RIMKLA: variants seen among roughly 807,000 people sequenced by gnomAD.
The protein encoded by RIMKLA is ribosomal modification protein rimK like family member A.
A neutral mutation model predicts 32.7 loss-of-function variants in RIMKLA; 14 were observed. The observed-to-expected ratio is 0.43, with a 90% CI of 0.28 to 0.67. The LOEUF is 0.67. Ranked by LOEUF, RIMKLA falls within the 30% of genes least tolerant of loss-of-function variation. RIMKLA has a pLI of 0.18. For missense variants in RIMKLA, 410 were observed against 519.0 expected, an observed-to-expected ratio of 0.79 and a Z score of 2.04; for synonymous variants, 176 against 204.1, an observed-to-expected ratio of 0.86 and a Z score of 1.18.
chr1:42,409,201 C>CAAAAAAAAAAAAAAAAAAAAA (rs59543497), intron 3 of RIMKLA, among the ~76,000 whole-genome samples: 1 of 64,496 alleles, frequency 1.6e-5, no homozygotes, highest in Non-Finnish European at 2.6e-5. Context: ...GACTCTGTCT[C>CAAAAAAAAAAAAAAAAAAAAA]AAAAAAAAAA....
At chr1:42,387,598 C>T (rs1389363195) in intron 1 of RIMKLA, among the ~76,000 whole-genome samples, 1 of 152,178 alleles carries the variant, frequency 6.6e-6, no homozygotes, top group Non-Finnish European at 1.5e-5. Context: ...TGAATGCCCA[C>T]TCTGTGCCAG....
intron 4 of RIMKLA, among the ~76,000 whole-genome samples, chr1:42,411,170 T>A (rs941955694): frequency 2.0e-5 from 3 of 150,602 alleles, no homozygotes; most frequent in South Asian, 2.1e-4. Flanking sequence ...TCTCTACAAA[T>A]TTTTTTTTTA....
chr1:42,412,020 T>G (rs1643203062), intron 4 of RIMKLA, among the ~76,000 whole-genome samples: 1 of 152,202 alleles, frequency 6.6e-6, no homozygotes, highest in African/African-American at 2.4e-5. Context: ...GTGTGTGTGT[T>G]ATCATTTTGA....
intron 1 of RIMKLA, among the ~76,000 whole-genome samples, chr1:42,389,886 T>C (rs538438675): frequency 1.9e-4 from 29 of 152,198 alleles, no homozygotes; most frequent in Admixed American, 5.2e-4. Context: ...CGTGTAGCAT[T>C]AGCAACCCCA....
At chr1:42,388,950 A>G (rs1050060283) in intron 1 of RIMKLA, among the ~76,000 whole-genome samples, 2 of 152,214 alleles carry the variant, frequency 1.3e-5, no homozygotes, top group Admixed American at 1.3e-4. Context: ...GGTTATTGCT[A>G]CAATTCAGGT....
intron 4 of RIMKLA, among the ~76,000 whole-genome samples, chr1:42,411,921 C>T (rs142497535): frequency 0.01 from 1,566 of 152,250 alleles, 10 homozygotes; most frequent in Non-Finnish European, 0.016. Context: ...CTGCCCGCCT[C>T]GGCCTCCCAA....
At chr1:42,383,239 A>T (rs760175931) in intron 1 of RIMKLA, among the ~76,000 whole-genome samples, 41 of 152,128 alleles carry the variant, frequency 2.7e-4, no homozygotes, top group Admixed American at 1.7e-3. Flanking sequence ...GTCGATGGAG[A>T]AATTGAAGAC....
At chr1:42,388,634 G>A (rs566999120) in intron 1 of RIMKLA, among the ~76,000 whole-genome samples, 18 of 150,754 alleles carry the variant, frequency 1.2e-4, no homozygotes, top group East Asian at 5.9e-4. Context: ...GTTCTCTGCC[G>A]CAGCCTCCCA....
intron 1 of RIMKLA, among the ~76,000 whole-genome samples, chr1:42,397,260 T>C (rs1015997192): frequency 4.6e-5 from 7 of 152,228 alleles, no homozygotes; most frequent in Admixed American, 1.3e-4. Context: ...TTTTCATCTT[T>C]GTGCCTAGAG....
intron 1 of RIMKLA, among the ~76,000 whole-genome samples, chr1:42,385,848 T>TTCTC (rs1388091757): frequency 1.8e-4 from 3 of 16,688 alleles, no homozygotes; most frequent in African/African-American, 3.2e-4. Flanking sequence ...TTCTTTCTCT[T>TTCTC]TCTTTCTTTC....
chr1:42,384,569 ATATG>A (rs1333337751), intron 1 of RIMKLA, among the ~76,000 whole-genome samples: 2 of 146,108 alleles, frequency 1.4e-5, no homozygotes, highest in South Asian at 2.1e-4. Flanking sequence ...ATATACATAT[ATATG>A]TGTATATATG....
chr1:42,382,989 C>G (rs770098148), intron 1 of RIMKLA, among the ~76,000 whole-genome samples: 2 of 151,764 alleles, frequency 1.3e-5, no homozygotes, highest in Non-Finnish European at 2.9e-5. Flanking sequence ...TCCTGAGTAG[C>G]TGGGATTACA....
chr1:42,398,310 C>T (rs1195235703), intron 1 of RIMKLA, among the ~76,000 whole-genome samples: 1 of 152,202 alleles, frequency 6.6e-6, no homozygotes, highest in African/African-American at 2.4e-5. Context: ...AATATTCCTA[C>T]TTAACCCAGT....
chr1:42,387,716 A>G (rs1035734788), intron 1 of RIMKLA, among the ~76,000 whole-genome samples: 5 of 152,280 alleles, frequency 3.3e-5, no homozygotes, highest in Admixed American at 6.5e-5. Context: ...ACAGATATCT[A>G]TTGATGGCCT....
At position 42,381,019 on chromosome 1, in the gene RIMKLA, C is replaced by G; in HGVS notation, c.85C>G (p.Arg29Gly). ...QVQILRALRQ[R>G]CSEQDVRFRA... ...GCAGATCCTGCGCGCCCTCCGGCAG[C>G]GCTGCTCCGAGCAGGACGTGCGCTT... Residue 29 changes from arginine to glycine, a missense_variant, in exon 1 of 5, where the codon CGC (arginine) becomes GGC (glycine). Physicochemically the swap from Arg to Gly is moderately radical, Grantham distance 125. Transcript: ENST00000431473. The G allele has an allele frequency of 7.1e-7, 1 of 1,406,882 alleles. No individual in the cohort carries two copies. The highest frequency in any genetic ancestry group is 1.5e-5 in the South Asian group (1 of 66,280). 87.1% of individuals were successfully genotyped at this position (1,406,882 alleles called of 1,614,324 possible). A position where few individuals can be genotyped will look rare whatever the true frequency, so the allele number is the denominator to read the frequency against.
At position 42,417,788 on chromosome 1, in the gene RIMKLA, T is replaced by C. The variant is rs1643262395; in HGVS notation, c.*2814T>C. On this transcript the variant is annotated 3_prime_UTR_variant, in exon 5 of 5. Coordinates refer to ENST00000431473, the MANE Select transcript of RIMKLA (RefSeq NM_173642.4). ...CTGGCTAACACAGTGAACAAAAAAT[T>C]AGTCGGGCATGGTGGCGGGCGCCTG... The C allele has an allele frequency of 1.3e-5, 2 of 152,322 alleles. No homozygotes were observed. Among genetic ancestry groups the C allele is most frequent in the African/African-American group, 4.8e-5 (2 of 41,516 alleles). 9.4% of individuals were successfully genotyped at this position (152,322 alleles called of 1,614,324 possible). A position where few individuals can be genotyped will look rare whatever the true frequency, so the allele number is the denominator to read the frequency against.
chr1:42,386,245 A>G (rs1642946163), intron 1 of RIMKLA, among the ~76,000 whole-genome samples: 1 of 151,634 alleles, frequency 6.6e-6, no homozygotes. Context: ...TTTCTGAGCC[A>G]CCTGTTGCAG....
chr1:42,413,396 C>T (rs565286662), intron 4 of RIMKLA, among the ~76,000 whole-genome samples: 136 of 146,144 alleles, frequency 9.3e-4, no homozygotes, highest in Non-Finnish European at 9.4e-4. Context: ...ATCTACTCGG[C>T]AGGCTGAGGC....
At chr1:42,398,694 C>T (rs895777890) in intron 1 of RIMKLA, among the ~76,000 whole-genome samples, 5 of 152,176 alleles carry the variant, frequency 3.3e-5, no homozygotes, top group African/African-American at 9.6e-5. Context: ...CATAGCTCAG[C>T]GCAATGGCTC....
Sources: allele counts gnomAD v4.1 joint callset (sites outside exome capture counted in the v4.1 genomes callset), GRCh38; gene constraint gnomAD v4.1.1; transcripts MANE v1.5; gene names NCBI Gene and HGNC (gene_info 2026-07-23, HGNC 2026-07-21).